The following ARID1B variants were observed in gnomAD, a reference collection of about 807,000 sequenced individuals.
ARID1B encodes the protein AT-rich interaction domain 1B.
ARID1B carries 30 observed loss-of-function variants against 212.3 expected under a neutral mutation model. That is an observed-to-expected ratio of 0.14 (90% CI 0.11 to 0.19). ARID1B has a LOEUF of 0.19. Ranked by LOEUF, ARID1B falls within the 10% of genes least tolerant of loss-of-function variation. The probability of loss-of-function intolerance (pLI) is 1.00; values close to 1 mark genes in which losing one functional copy is unlikely to be tolerated. For missense variants in ARID1B, 2,891 were observed against 3,204.0 expected (o/e 0.90, Z 2.36); for synonymous variants, 1,402 against 1,301.7 (o/e 1.08, Z -1.66).
At chr6:157,013,263 C>T (rs960093937) in intron 4 of ARID1B, among the ~76,000 whole-genome samples, 4 of 152,238 alleles carry the variant, frequency 2.6e-5, no homozygotes, top group Non-Finnish European at 5.9e-5. Context: ...GCATTTCGTG[C>T]CTTCAAAGCT....
intron 4 of ARID1B, among the ~76,000 whole-genome samples, chr6:156,957,798 C>T (rs1794079203): frequency 6.6e-6 from 1 of 152,148 alleles, no homozygotes; most frequent in Non-Finnish European, 1.5e-5. Flanking sequence ...CTGGTATCCT[C>T]ATTTGCTGGA....
chr6:157,198,793 T>C lies in ARID1B; in HGVS notation c.4383-18T>C, dbSNP rs148504269. 2 of 1,592,132 alleles carry C rather than the reference T, an allele frequency of 1.3e-6. No individual in the cohort carries two copies. The highest frequency in any genetic ancestry group is 2.7e-5 in the African/African-American group (2 of 74,538). The stretch of plus-strand genomic sequence containing the variant: ...AAGCTTTTTCTCAGTTAAGTTTTCT[T>C]TGAATGCCTCATTCCAGGCATGAAC... On this transcript the variant is annotated intron_variant, in intron 16 of 19. Transcript: ENST00000636930.
chr6:157,198,792 T>C lies in ARID1B; in HGVS notation c.4383-19T>C, dbSNP rs1233084248. On this transcript the variant is annotated intron_variant, in intron 16 of 19. Coordinates refer to ENST00000636930, the MANE Select transcript of ARID1B (RefSeq NM_001374828.1). ...GAAGCTTTTTCTCAGTTAAGTTTTC[T>C]TTGAATGCCTCATTCCAGGCATGAA... The C allele has an allele frequency of 6.3e-6, 10 of 1,591,820 alleles. No individual in the cohort carries two copies. The highest frequency in any genetic ancestry group is 8.6e-6 in the Non-Finnish European group (10 of 1,165,184).
intron 4 of ARID1B, among the ~76,000 whole-genome samples, chr6:157,039,620 T>TTCCTA (rs1781599099): frequency 3.1e-5 from 4 of 130,958 alleles, no homozygotes; most frequent in African/African-American, 1.3e-4. Flanking sequence ...CTACCTACCT[T>TTCCTA]CCTTCCTTCC....
intron 4 of ARID1B, among the ~76,000 whole-genome samples, chr6:156,979,341 T>G (rs1777462959): frequency 6.6e-6 from 1 of 152,162 alleles, no homozygotes; most frequent in Non-Finnish European, 1.5e-5. Context: ...TGGTGTTAGG[T>G]GAACTGACTC....
intron 1 of ARID1B, among the ~76,000 whole-genome samples, chr6:156,779,935 C>T (rs961491760): frequency 7.9e-5 from 12 of 152,160 alleles, no homozygotes; most frequent in African/African-American, 2.7e-4. Context: ...GAGGAACTTT[C>T]TCACACCTTT....
At chr6:157,058,722 T>A (rs979932070) in intron 4 of ARID1B, among the ~76,000 whole-genome samples, 1 of 152,262 alleles carries the variant, frequency 6.6e-6, no homozygotes, top group African/African-American at 2.4e-5. Flanking sequence ...TCACCCGTGC[T>A]GGGTGCTGAG....
intron 2 of ARID1B, among the ~76,000 whole-genome samples, chr6:156,834,086 A>G (rs1449993631): frequency 6.6e-6 from 1 of 152,170 alleles, no homozygotes. Flanking sequence ...TTTAAATGTA[A>G]TTAAAGCCAC....
rs1157293889 is a variant in ARID1B at position 157,208,507 on chromosome 6, A to C, written c.*616A>C. The C allele has an allele frequency of 4.3e-6, 1 of 233,216 alleles. No individual in the cohort carries two copies. Among genetic ancestry groups the C allele is most frequent in the Non-Finnish European group, 8.5e-6 (1 of 117,868 alleles). The allele number at this position is 233,216 out of a possible 1,614,324, so 14.4% of individuals were successfully genotyped here. A position where few individuals can be genotyped will look rare whatever the true frequency, so the allele number is the denominator to read the frequency against. Reference sequence around the variant, plus strand: ...GTTCCATTAGGCTGGGAGCAAAAACAATGTTTTTTAAGATTGAGAATACAT... The same window carrying C: ...GTTCCATTAGGCTGGGAGCAAAAACCATGTTTTTTAAGATTGAGAATACAT... On this transcript the variant is annotated 3_prime_UTR_variant, in exon 20 of 20. Transcript: ENST00000636930.
At chr6:157,024,815 C>T (rs1477651894) in intron 4 of ARID1B, 1 of 152,150 alleles carries the variant, frequency 6.6e-6, no homozygotes, top group Non-Finnish European at 1.5e-5. Flanking sequence ...GCTTTTCATC[C>T]TTGAGACTAC....
At chr6:156,973,381 T>G (rs913781888) in intron 4 of ARID1B, among the ~76,000 whole-genome samples, 1 of 152,192 alleles carries the variant, frequency 6.6e-6, no homozygotes, top group African/African-American at 2.4e-5. Context: ...ATAAATGATC[T>G]TTGACAGCCC....
At chr6:156,787,100 T>C (rs1283587475) in intron 1 of ARID1B, among the ~76,000 whole-genome samples, 2 of 152,204 alleles carry the variant, frequency 1.3e-5, no homozygotes, top group Non-Finnish European at 1.5e-5. Context: ...GAGCGAAATA[T>C]AGATTCACTA....
chr6:157,155,891 G>C (rs1790543912), intron 8 of ARID1B, among the ~76,000 whole-genome samples: 1 of 152,100 alleles, frequency 6.6e-6, no homozygotes, highest in South Asian at 2.1e-4. Context: ...GGCTTGTACT[G>C]TGGCTCATGT....
intron 6 of ARID1B, among the ~76,000 whole-genome samples, chr6:157,115,420 T>C (rs1349478739): frequency 6.8e-6 from 1 of 146,998 alleles, no homozygotes; most frequent in Non-Finnish European, 1.5e-5. Flanking sequence ...GGAAGTTTTC[T>C]TTGTTTGTTT....
intron 2 of ARID1B, among the ~76,000 whole-genome samples, chr6:156,899,965 C>T (rs975142985): frequency 3.3e-5 from 5 of 152,038 alleles, no homozygotes; most frequent in Non-Finnish European, 5.9e-5. Context: ...GGGTGTTGAA[C>T]GGAAGGATGT....
chr6:156,784,918 C>G (rs1779532122), intron 1 of ARID1B, among the ~76,000 whole-genome samples: 1 of 152,178 alleles, frequency 6.6e-6, no homozygotes, highest in Non-Finnish European at 1.5e-5. Context: ...CGCCATCACA[C>G]CTGGCTAATT....
At chr6:156,813,983 G>A (rs1000811495) in intron 1 of ARID1B, among the ~76,000 whole-genome samples, 1 of 152,210 alleles carries the variant, frequency 6.6e-6, no homozygotes, top group African/African-American at 2.4e-5. Context: ...CTTCACGGTA[G>A]CCTGCACCAC....
chr6:156,782,377 G>A (rs1420685386), intron 1 of ARID1B, among the ~76,000 whole-genome samples: 1 of 152,002 alleles, frequency 6.6e-6, no homozygotes, highest in Non-Finnish European at 1.5e-5. Flanking sequence ...TTTTTAAAAA[G>A]TGAAATAAGC....
Position 157,181,957 on chromosome 6 carries a change from C to G in ARID1B, c.3714+779C>G, listed in dbSNP as rs1792573921. On this transcript the variant is annotated intron_variant, in intron 12 of 19. Coordinates refer to ENST00000636930, the MANE Select transcript of ARID1B (RefSeq NM_001374828.1). ...TGAGAAAACTCCTGTGTAACAAAAT[C>G]AAGTACAGGATGGGGTGCAGTGGCT... 2.0e-5 allele frequency among the ~76,000 whole-genome samples: 3 copies of G among 152,162 alleles called. No individual in the cohort carries two copies. In the South Asian group the frequency reaches 6.2e-4, roughly 32 times the overall value.
Sources: allele counts gnomAD v4.1 joint callset (sites outside exome capture counted in the v4.1 genomes callset), GRCh38; gene constraint gnomAD v4.1.1; transcripts MANE v1.5; gene names NCBI Gene and HGNC (gene_info 2026-07-23, HGNC 2026-07-21).